Variants in TMEM178B observed in about 807,000 individuals in gnomAD.
TMEM178B encodes transmembrane protein 178B.
In TMEM178B, 5 loss-of-function variants were observed where a neutral mutation model predicts 31.0. The ratio of observed to expected loss-of-function variants is 0.16; its 90% CI spans 0.08 to 0.34. The LOEUF (loss-of-function observed/expected upper bound fraction) is 0.34. Among genes scored for constraint, TMEM178B ranks in the 10% least tolerant of loss-of-function variants. The pLI, the probability that TMEM178B is intolerant of heterozygous loss-of-function variation, is 1.00. For synonymous variants in TMEM178B, 164 were observed against 164.0 expected, an observed-to-expected ratio of 1.00 and a Z score of 0.00; for missense variants, 275 against 400.3, an observed-to-expected ratio of 0.69 and a Z score of 2.67.
intron 1 of TMEM178B, among the ~76,000 whole-genome samples, chr7:141,128,344 T>C (rs78715246): frequency 0.15 from 22,257 of 152,102 alleles, 1,692 homozygotes; most frequent in South Asian, 0.22. Flanking sequence ...CCTTATTCTC[T>C]CCAAAAGTTG....
chr7:141,459,975 C>T (rs1015143407), intron 3 of TMEM178B, among the ~76,000 whole-genome samples: 6 of 151,674 alleles, frequency 4.0e-5, no homozygotes, highest in African/African-American at 9.7e-5. Context: ...ACACAAGATG[C>T]CTAACAGGTA....
intron 1 of TMEM178B, among the ~76,000 whole-genome samples, chr7:141,147,652 A>G (rs908591109): frequency 3.3e-5 from 5 of 152,170 alleles, no homozygotes; most frequent in Non-Finnish European, 7.4e-5. Flanking sequence ...GGAGAAGGAA[A>G]GGAAGTCCCT....
At chr7:141,294,380 A>G (rs1480124851) in intron 2 of TMEM178B, among the ~76,000 whole-genome samples, 1 of 152,148 alleles carries the variant, frequency 6.6e-6, no homozygotes, top group Non-Finnish European at 1.5e-5. Flanking sequence ...AGGATCTCAG[A>G]CCCAAAGCAA....
chr7:141,208,001 G>A (rs1014251235), intron 1 of TMEM178B, among the ~76,000 whole-genome samples: 7 of 151,890 alleles, frequency 4.6e-5, no homozygotes, highest in Non-Finnish European at 8.8e-5. Flanking sequence ...ACCAGCCTGG[G>A]CAATATAGTG....
chr7:141,307,457 T>C (rs1482974623), intron 2 of TMEM178B, among the ~76,000 whole-genome samples: 1 of 152,206 alleles, frequency 6.6e-6, no homozygotes, highest in Admixed American at 6.5e-5. Context: ...CTGGGTCCCC[T>C]ACATGCTTTC....
intron 2 of TMEM178B, among the ~76,000 whole-genome samples, chr7:141,356,298 C>CTT (rs1453974340): frequency 6.6e-6 from 1 of 151,960 alleles, no homozygotes; most frequent in Non-Finnish European, 1.5e-5. Context: ...TTCCAAACTG[C>CTT]TTTCCACAGT....
chr7:141,113,479 G>A (rs1005099127), intron 1 of TMEM178B, among the ~76,000 whole-genome samples: 1 of 152,180 alleles, frequency 6.6e-6, no homozygotes, highest in African/African-American at 2.4e-5. Context: ...GGACTACTGG[G>A]ACCCTTTTCC....
chr7:141,272,198 A>G (rs967897219), intron 2 of TMEM178B, among the ~76,000 whole-genome samples: 5 of 152,072 alleles, frequency 3.3e-5, no homozygotes, highest in Non-Finnish European at 5.9e-5. Flanking sequence ...TTCCTAATGC[A>G]TTTCCCATCT....
At chr7:141,448,879 C>T (rs117546573) in intron 3 of TMEM178B, among the ~76,000 whole-genome samples, 1,631 of 152,196 alleles carry the variant, frequency 0.011, 12 homozygotes, top group South Asian at 0.026. Flanking sequence ...AGTTGGGGTC[C>T]GTTGCTTCCA....
At chr7:141,119,049 G>A (rs1795368232) in intron 1 of TMEM178B, among the ~76,000 whole-genome samples, 1 of 152,174 alleles carries the variant, frequency 6.6e-6, no homozygotes, top group African/African-American at 2.4e-5. Context: ...CAGAAGTCCT[G>A]AAACAAGGGA....
chr7:141,297,420 A>G (rs1255750625), intron 2 of TMEM178B, among the ~76,000 whole-genome samples: 1 of 152,136 alleles, frequency 6.6e-6, no homozygotes, highest in African/African-American at 2.4e-5. Context: ...GGTCTGTTAC[A>G]TATGTATACA....
At position 141,083,588 on chromosome 7, in the gene TMEM178B, A is replaced by G. The variant is rs1794726711; in HGVS notation, c.382+8896A>G. Among the ~76,000 whole-genome samples the G allele has an allele frequency of 2.6e-5, 4 of 152,164 alleles. No homozygotes were observed. The South Asian group carries it at 8.3e-4, about 32-fold the overall frequency. On this transcript the variant is annotated intron_variant, in intron 1 of 3. Transcript: ENST00000565468. ...TCCTGGGTTCTAGTTTGCAATAGGA[A>G]TAGCTAATTTCTTACCACTCTAAAA...
At chr7:141,135,559 G>A (rs762492864) in intron 1 of TMEM178B, among the ~76,000 whole-genome samples, 2 of 152,160 alleles carry the variant, frequency 1.3e-5, no homozygotes, top group African/African-American at 4.8e-5. Flanking sequence ...AATAAAAGTA[G>A]AAATCAATAA....
chr7:141,320,948 G>A (rs1483125152), intron 2 of TMEM178B, among the ~76,000 whole-genome samples: 1 of 152,072 alleles, frequency 6.6e-6, no homozygotes, highest in Non-Finnish European at 1.5e-5. Context: ...TCAGGTGGGT[G>A]GAACCTTGCA....
rs1049043855 is a variant in TMEM178B, at chr7:141,471,793, T to C, written c.*1007T>C. On this transcript the variant is annotated 3_prime_UTR_variant, in exon 4 of 4. Transcript: ENST00000565468. The surrounding 1 kb of genome is among the most constrained non-coding windows in gnomAD (Gnocchi z 4.1). Reference sequence around the variant, plus strand: ...TGGTGTGTGTGTGCGTGTGTGTGTGTGTGTGTGTGTGTGTGTGTGTGTGTG... The same window carrying C: ...TGGTGTGTGTGTGCGTGTGTGTGTGCGTGTGTGTGTGTGTGTGTGTGTGTG... 3.7e-5 allele frequency: 5 copies of C among 133,924 alleles called. No homozygotes were observed. Among genetic ancestry groups the C allele is most frequent in the African/African-American group, 7.9e-5 (2 of 25,268 alleles). The allele number at this position is 133,924 out of a possible 1,614,324, so 8.3% of individuals were successfully genotyped here.
At chr7:141,194,714 A>G (rs1796754090) in intron 1 of TMEM178B, among the ~76,000 whole-genome samples, 1 of 152,222 alleles carries the variant, frequency 6.6e-6, no homozygotes, top group Non-Finnish European at 1.5e-5. Flanking sequence ...GTGCCCCAGT[A>G]GAGACTCTGT....
chr7:141,285,388 G>T (rs2116409757), intron 2 of TMEM178B, among the ~76,000 whole-genome samples: 1 of 151,518 alleles, frequency 6.6e-6, no homozygotes, highest in East Asian at 1.9e-4. Flanking sequence ...TCGATCTCCT[G>T]ACCTCATGAT....
intron 2 of TMEM178B, among the ~76,000 whole-genome samples, chr7:141,435,497 G>A (rs569733077): frequency 2.0e-5 from 3 of 152,252 alleles, no homozygotes; most frequent in Admixed American, 6.5e-5. Flanking sequence ...CTCAGGCCTC[G>A]GTCACTCCAG....
chr7:141,370,200 T>G (rs1469367172), intron 2 of TMEM178B, among the ~76,000 whole-genome samples: 1 of 151,500 alleles, frequency 6.6e-6, no homozygotes, highest in Non-Finnish European at 1.5e-5. Flanking sequence ...TGCAGAGAGA[T>G]TATTAAGACA....
Sources: gnomAD v4.1 joint callset for allele counts (sites outside exome capture counted in the v4.1 genomes callset) on GRCh38, gnomAD v4.1.1 for gene constraint, Gnocchi (gnomAD v3.1) non-coding constraint, MANE v1.5 for transcripts, NCBI Gene and HGNC (gene_info 2026-07-23, HGNC 2026-07-21) for gene names.